Variants in VAV1 observed in about 807,000 individuals in gnomAD.
VAV1 encodes vav guanine nucleotide exchange factor 1, also known as proto-oncogene vav.
In VAV1, 33 loss-of-function variants were observed where a neutral mutation model predicts 128.1. That is an observed-to-expected ratio of 0.26 (90% confidence interval 0.20 to 0.34). The LOEUF (loss-of-function observed/expected upper bound fraction) is 0.34. VAV1 is among the 10% of genes least tolerant of loss of function. The pLI is 1.00. For missense variants in VAV1, 715 were observed against 1,093.7 expected, an observed-to-expected ratio of 0.65 and a Z score of 4.88; for synonymous variants, 394 against 409.8, an observed-to-expected ratio of 0.96 and a Z score of 0.47.
intron 1 of VAV1, among the ~76,000 whole-genome samples, chr19:6,801,479 G>A (rs1971266860): frequency 1.3e-5 from 2 of 152,042 alleles, no homozygotes; most frequent in African/African-American, 2.4e-5. Flanking sequence ...AGGGTTTGAG[G>A]GCTAGGATGA....
chr19:6,833,167 T>TC lies in VAV1; in HGVS notation c.1509-17_1509-16insC. The TC allele has an allele frequency of 6.4e-7, 1 of 1,563,928 alleles. No homozygotes were observed. Among genetic ancestry groups the TC allele is most frequent in the Non-Finnish European group, 8.6e-7 (1 of 1,157,206 alleles). ...ACTGACCTTCTTTTTTTTTTTTTTT[T>TC]AATTTTCCCCTGCCAGCTCCAACAT... On this transcript the variant is annotated splice_polypyrimidine_tract_variant and intron_variant, in intron 15 of 26. Transcript: ENST00000602142.
chr19:6,818,861 A>G (rs1370904591), intron 1 of VAV1, among the ~76,000 whole-genome samples: 1 of 152,174 alleles, frequency 6.6e-6, no homozygotes, highest in Non-Finnish European at 1.5e-5. Context: ...CACACCTGTA[A>G]TCCCAGCACT....
chr19:6,830,842 C>T (rs552568996), intron 14 of VAV1, among the ~76,000 whole-genome samples: 1 of 152,110 alleles, frequency 6.6e-6, no homozygotes, highest in African/African-American at 2.4e-5. Flanking sequence ...AATCCCAGTA[C>T]TTTGGGAGGC....
At chr19:6,783,699 C>T (rs1035647783) in intron 1 of VAV1, among the ~76,000 whole-genome samples, 3 of 151,978 alleles carry the variant, frequency 2.0e-5, no homozygotes, top group Non-Finnish European at 4.4e-5. Flanking sequence ...AACTCCTGAC[C>T]TCGGGTGATC....
chr19:6,839,327 T>TA (rs1468533432), intron 21 of VAV1, among the ~76,000 whole-genome samples: 1 of 152,104 alleles, frequency 6.6e-6, no homozygotes, highest in Non-Finnish European at 1.5e-5. Context: ...TTTTTTCTTT[T>TA]AAAAAATTGA....
At position 6,826,770 on chromosome 19, in the gene VAV1, G is replaced by T; in HGVS notation, c.927+59G>T. On this transcript the variant is annotated intron_variant, in intron 9 of 26. Coordinates refer to ENST00000602142, the MANE Select transcript of VAV1 (RefSeq NM_005428.4). This position sits in a 1 kb window ranked among gnomAD's most constrained non-coding sequence, Gnocchi z 4.1. ...CGCTCCTCCCCAGGCCCTGGGGGCA[G>T]CAGGGAGGACACTGAGTTGCAGATG... is the stretch of plus-strand genomic sequence containing the variant. 2.2e-6 allele frequency: 3 copies of T among 1,348,110 alleles called. No individual in the cohort carries two copies. In the South Asian group the frequency reaches 3.7e-5, roughly 17 times the overall value. The allele number at this position is 1,348,110 out of a possible 1,614,324, so 83.5% of individuals were successfully genotyped here. A position where few individuals can be genotyped will look rare whatever the true frequency, so the allele number is the denominator to read the frequency against.
At position 6,826,683 on chromosome 19, in the gene VAV1, C is replaced by G; in HGVS notation, c.899C>G (p.Ala300Gly). ...ASKHLDRVAAAREDVQMKLEE... is the reference protein window; with the variant it reads ...ASKHLDRVAAGREDVQMKLEE... ...AAACACCTGGACCGTGTGGCCGCAG[C>G]CCGGGAGGACGTGCAGATGAAGCTG... is the stretch of plus-strand genomic sequence containing the variant. Residue 300 changes from alanine to glycine, a missense_variant, in exon 9 of 27, where the codon GCC becomes GGC. Ala to Gly is a moderately conservative substitution (Grantham distance 60). Around this residue, in one of 3 missense-constraint regions of VAV1, gnomAD observed 302 missense variants for 477.8 expected, o/e 0.63. Transcript: ENST00000602142. The surrounding 1 kb of genome is among the most constrained non-coding windows in gnomAD (Gnocchi z 4.1). The G allele has an allele frequency of 6.4e-7, 1 of 1,557,424 alleles. No homozygotes were observed. The highest frequency in any genetic ancestry group is 8.7e-7 in the Non-Finnish European group (1 of 1,153,398).
intron 2 of VAV1, among the ~76,000 whole-genome samples, chr19:6,821,333 G>A (rs1464281709): frequency 6.6e-6 from 1 of 152,066 alleles, no homozygotes; most frequent in Admixed American, 6.5e-5. Context: ...CCTGGGAGGT[G>A]GAGGTTGTAG....
At chr19:6,784,285 T>C in intron 1 of VAV1, 1 of 527,448 alleles carries the variant, frequency 1.9e-6, no homozygotes, top group South Asian at 3.0e-5. Flanking sequence ...TCTGTGGAAA[T>C]CTCAATGGGA....
chr19:6,840,513 A>G, intron 21 of VAV1, among the ~76,000 whole-genome samples: 1 of 149,818 alleles, frequency 6.7e-6, no homozygotes, highest in East Asian at 2.0e-4. Flanking sequence ...GTTAGCCAGG[A>G]TGGTCTCGAT....
At position 6,828,425 on chromosome 19, in the gene VAV1, G is replaced by T. The variant is rs1178788797; in HGVS notation, c.1030G>T (p.Val344Leu). The T allele has an allele frequency of 1.2e-6, 2 of 1,614,054 alleles. No homozygotes were observed. The highest frequency in any genetic ancestry group is 2.7e-5 in the African/African-American group (2 of 74,936). The change falls in exon 11 of 27, where the codon GTG (valine) becomes TTG (leucine). Residue 344 changes from valine to leucine, a missense_variant. Coordinates refer to ENST00000602142, the MANE Select transcript of VAV1 (RefSeq NM_005428.4). This position sits in a 1 kb window ranked among gnomAD's most constrained non-coding sequence, Gnocchi z 4.5. ...LKYHLLLQEL[V>L]KHTQEAMEKE... ...GACGTCTTGGTTCTCTCAGGAGCTGGTGAAACACACGCAGGAGGCGATGGA... is the reference window on the plus strand; with the variant it reads ...GACGTCTTGGTTCTCTCAGGAGCTGTTGAAACACACGCAGGAGGCGATGGA...
At chr19:6,825,515 C>T in intron 8 of VAV1, 109 bp downstream of exon 8, 2 of 942,424 alleles carry the variant, frequency 2.1e-6, no homozygotes, top group Non-Finnish European at 3.2e-6. Flanking sequence ...GGACTTTTTG[C>T]TGTGTGTTCA....
In VAV1 at chr19:6,822,838, T is replaced by C. The variant is rs146036757; in HGVS notation, c.654+324T>C. 0.052 allele frequency among the ~76,000 whole-genome samples: 7,678 copies of C among 146,734 alleles called. 275 individuals carry two copies. Among genetic ancestry groups the C allele is most frequent in the South Asian group, 0.079 (376 of 4,746 alleles). Reference sequence around the variant, plus strand: ...AACATATACATAAATAGAAAATATATAAATATATACAAAGTATATATAAAA... The same window carrying C: ...AACATATACATAAATAGAAAATATACAAATATATACAAAGTATATATAAAA... On this transcript the variant is annotated intron_variant, in intron 6 of 26. Transcript: ENST00000602142. This position sits in a 1 kb window ranked among gnomAD's most constrained non-coding sequence, Gnocchi z 5.9.
At chr19:6,824,975 C>G in intron 6 of VAV1, 78 bp from the exon 7 acceptor site, 1 of 1,456,894 alleles carries the variant, frequency 6.9e-7, no homozygotes, top group Non-Finnish European at 9.6e-7. Flanking sequence ...CTCTCTCTGT[C>G]TCCTTCCCCT....
chr19:6,780,118 TAATAATAATAATA>T (rs1568281114), intron 1 of VAV1, among the ~76,000 whole-genome samples: 1 of 74,978 alleles, frequency 1.3e-5, no homozygotes, highest in Non-Finnish European at 2.8e-5. Context: ...CTTAAAATAA[TAATAATAATAATA>T]ATAATAATAA....
intron 1 of VAV1, among the ~76,000 whole-genome samples, chr19:6,774,187 G>A (rs1043857743): frequency 6.6e-6 from 1 of 151,948 alleles, no homozygotes; most frequent in Non-Finnish European, 1.5e-5. Flanking sequence ...GAGTGCAATG[G>A]CACCATCTCG....
intron 1 of VAV1, among the ~76,000 whole-genome samples, chr19:6,799,215 T>C (rs1379796002): frequency 6.6e-6 from 1 of 152,176 alleles, no homozygotes; most frequent in African/African-American, 2.4e-5. Context: ...TCGCCCAGGC[T>C]GGAGTGCAGT....
intron 19 of VAV1, among the ~76,000 whole-genome samples, chr19:6,835,206 TATATAC>T (rs1972190518): frequency 2.1e-5 from 2 of 94,418 alleles, no homozygotes; most frequent in Non-Finnish European, 2.2e-5. Flanking sequence ...TGTGTATATA[TATATAC>T]ATACACACAC....
intron 1 of VAV1, among the ~76,000 whole-genome samples, chr19:6,796,842 G>A (rs1023579348): frequency 6.6e-6 from 1 of 152,072 alleles, no homozygotes; most frequent in African/African-American, 2.4e-5. Context: ...TCCTTTGCCA[G>A]AATATCAGCC....
Sources: gnomAD v4.1 joint callset for allele counts (sites outside exome capture counted in the v4.1 genomes callset) on GRCh38, gnomAD v4.1.1 for gene constraint, gnomAD v4.1.1 regional missense constraint, Gnocchi (gnomAD v3.1) non-coding constraint, MANE v1.5 for transcripts, NCBI Gene and HGNC (gene_info 2026-07-23, HGNC 2026-07-21) for gene names.